ARHGEF2: variants seen among roughly 807,000 people sequenced by gnomAD.
ARHGEF2 encodes Rho/Rac guanine nucleotide exchange factor 2.
ARHGEF2 carries 22 observed loss-of-function variants against 121.0 expected under a neutral mutation model. That is an observed-to-expected ratio of 0.18 (90% CI 0.13 to 0.26). The LOEUF (loss-of-function observed/expected upper bound fraction) is 0.26, where lower values mean the gene tolerates loss of function less well. ARHGEF2 is among the 10% of genes least tolerant of loss of function. The probability of loss-of-function intolerance (pLI) is 1.00; values close to 1 mark genes in which losing one functional copy is unlikely to be tolerated. For missense variants in ARHGEF2, 907 were observed against 1,336.0 expected, an observed-to-expected ratio of 0.68 and a Z score of 5.01; for synonymous variants, 487 against 530.0, an observed-to-expected ratio of 0.92 and a Z score of 1.11.
At chr1:155,969,821 T>G in intron 1 of ARHGEF2, 1 of 986,508 alleles carries the variant, frequency 1.0e-6, no homozygotes, top group Non-Finnish European at 1.2e-6. Flanking sequence ...GGGCAGGAGA[T>G]CCCCTTATTA....
chr1:155,975,625 A>G (rs1440302012), intron 1 of ARHGEF2, among the ~76,000 whole-genome samples: 1 of 151,868 alleles, frequency 6.6e-6, no homozygotes. Flanking sequence ...GGGCTCCCCC[A>G]GCTCTCCTCT....
At position 155,962,343 on chromosome 1, in the gene ARHGEF2, T is replaced by G; in HGVS notation, c.1102-121A>C. Reference sequence around the variant, plus strand: ...CTCATGCTTGCCTAGGTGACATATCTGGAAAATGGGGATAACAACGCCACA... The same window carrying G: ...CTCATGCTTGCCTAGGTGACATATCGGGAAAATGGGGATAACAACGCCACA... On this transcript the variant is annotated intron_variant, in intron 9 of 21. Transcript: ENST00000361247. The surrounding 1 kb of genome is among the most constrained non-coding windows in gnomAD (Gnocchi z 5.8). 1 of 1,132,566 alleles carries G rather than the reference T, an allele frequency of 8.8e-7. No homozygotes were observed. The highest frequency in any genetic ancestry group is 1.3e-6 in the Non-Finnish European group (1 of 789,578). 70.2% of individuals were successfully genotyped at this position (1,132,566 alleles called of 1,614,324 possible).
chr1:155,950,604 A>AGATCCAC lies in ARHGEF2; in HGVS notation c.2704-129_2704-123dup, dbSNP rs1675225918. 9.1e-7 allele frequency: 1 copy of AGATCCAC among 1,101,562 alleles called. No individual in the cohort carries two copies. The highest frequency in any genetic ancestry group is 1.3e-6 in the Non-Finnish European group (1 of 759,052). The allele number at this position is 1,101,562 out of a possible 1,614,324, so 68.2% of individuals were successfully genotyped here. On this transcript the variant is annotated intron_variant, in intron 20 of 21. Transcript: ENST00000361247. This position sits in a 1 kb window ranked among gnomAD's most constrained non-coding sequence, Gnocchi z 5.2. ...GGCTCACCCATGAGTCCCCTTCAGGAGATCCACCACCAACTGGCCTCTTTC... is the reference window on the plus strand; with the variant it reads ...GGCTCACCCATGAGTCCCCTTCAGGAGATCCACGATCCACCACCAACTGGCCTCTTTC...
chr1:155,951,453 C>G lies in ARHGEF2; in HGVS notation c.2259+30G>C, dbSNP rs1557995033. 1 of 1,613,784 alleles carries G rather than the reference C, an allele frequency of 6.2e-7. No individual in the cohort carries two copies. Among genetic ancestry groups the G allele is most frequent in the African/African-American group, 1.3e-5 (1 of 74,926 alleles). On this transcript the variant is annotated intron_variant, in intron 19 of 21. Transcript: ENST00000361247. This position sits in a 1 kb window ranked among gnomAD's most constrained non-coding sequence, Gnocchi z 5.1. ...AGGCATCTCTAGCCTGGCTCCTCCCCTTCCCCATTCAAGCCCTTGTCCTAC... is the reference window on the plus strand; with the variant it reads ...AGGCATCTCTAGCCTGGCTCCTCCCGTTCCCCATTCAAGCCCTTGTCCTAC...
intron 7 of ARHGEF2, among the ~76,000 whole-genome samples, chr1:155,963,960 C>A (rs1572136415): frequency 6.6e-6 from 1 of 150,418 alleles, no homozygotes; most frequent in South Asian, 2.1e-4. Flanking sequence ...GCTTGGCCAA[C>A]ATGATGAAAC....
At chr1:155,973,145 C>G (rs1338243901) in intron 1 of ARHGEF2, among the ~76,000 whole-genome samples, 1 of 152,042 alleles carries the variant, frequency 6.6e-6, no homozygotes, top group East Asian at 1.9e-4. Context: ...AATAGGCACC[C>G]AATACATGTC....
rs1675538295 is a variant in ARHGEF2, at chr1:155,951,861, A to G, written c.2172+58T>C. On this transcript the variant is annotated intron_variant, in intron 17 of 21. Coordinates refer to ENST00000361247, the MANE Select transcript of ARHGEF2 (RefSeq NM_001162383.2). This position sits in a 1 kb window ranked among gnomAD's most constrained non-coding sequence, Gnocchi z 5.1. ...TGACAGCTTTGTGTTGAGGATCCAGAGGCTGGCTGTCCCTCTCCCACCCTC... is the reference window on the plus strand; with the variant it reads ...TGACAGCTTTGTGTTGAGGATCCAGGGGCTGGCTGTCCCTCTCCCACCCTC... 6.2e-7 allele frequency: 1 copy of G among 1,612,886 alleles called. No individual in the cohort carries two copies. The highest frequency in any genetic ancestry group is 8.5e-7 in the Non-Finnish European group (1 of 1,179,604).
intron 13 of ARHGEF2, among the ~76,000 whole-genome samples, chr1:155,957,034 A>C (rs1572092997): frequency 1.3e-5 from 2 of 151,910 alleles, no homozygotes; most frequent in East Asian, 3.9e-4. Flanking sequence ...GTCTCAAAAA[A>C]AATTAAAAAA....
In ARHGEF2 at chr1:155,947,871, T is replaced by A; in HGVS notation, c.*71A>T. On this transcript the variant is annotated 3_prime_UTR_variant, in exon 22 of 22. Coordinates refer to ENST00000361247, the MANE Select transcript of ARHGEF2 (RefSeq NM_001162383.2). ...CAAATGTTCCCTCATCATTGGCAAATTGGAGTCCCCAAGGTTAGCCCCCTC... is the reference window on the plus strand; with the variant it reads ...CAAATGTTCCCTCATCATTGGCAAAATGGAGTCCCCAAGGTTAGCCCCCTC... 1.1e-6 allele frequency: 1 copy of A among 882,088 alleles called. No homozygotes were observed. The highest frequency in any genetic ancestry group is 1.8e-6 in the Non-Finnish European group (1 of 569,536). 54.6% of individuals were successfully genotyped at this position (882,088 alleles called of 1,614,324 possible).
chr1:155,968,982 C>A, intron 2 of ARHGEF2, 174 bp downstream of exon 2: 1 of 717,154 alleles, frequency 1.4e-6, no homozygotes, highest in Admixed American at 2.9e-5. Flanking sequence ...ACAGCCACCA[C>A]CCCTCAGAGT....
rs140822619 is a variant in ARHGEF2, at chr1:155,952,136, G to A, written c.2084C>T (p.Thr695Met). The A allele has an allele frequency of 1.1e-4, 176 of 1,613,962 alleles. No individual in the cohort carries two copies. In the African/African-American group the frequency reaches 1.9e-3, roughly 17 times the overall value. Reference sequence around the variant, plus strand: ...CTCACTGGCAGTGACCCCAGGACTCGTGTTACCACCGCTGTCTGGTTCCAA... The same window carrying A: ...CTCACTGGCAGTGACCCCAGGACTCATGTTACCACCGCTGTCTGGTTCCAA... ...LPLEPDSGGN[T>M]SPGVTANGEA... Residue 695 changes from threonine to methionine, a missense_variant, in exon 16 of 22, where the codon ACG (threonine) becomes ATG (methionine). This residue lies in a region of ARHGEF2 where 432 missense variants were observed against 559.5 expected (regional missense o/e 0.77). Transcript: ENST00000361247.
chr1:155,973,249 G>A (rs1680774918), intron 1 of ARHGEF2, among the ~76,000 whole-genome samples: 1 of 152,012 alleles, frequency 6.6e-6, no homozygotes, highest in Non-Finnish European at 1.5e-5. Flanking sequence ...CCCCTATTCT[G>A]GAAACCCTCT....
Position 155,965,825 on chromosome 1 carries a change from C to T in ARHGEF2, c.341-65G>A. The T allele has an allele frequency of 1.3e-6, 2 of 1,517,120 alleles. No individual in the cohort carries two copies. The highest frequency in any genetic ancestry group is 8.7e-7 in the Non-Finnish European group (1 of 1,143,368). 94.0% of individuals were successfully genotyped at this position (1,517,120 alleles called of 1,614,324 possible). A position where few individuals can be genotyped will look rare whatever the true frequency, so the allele number is the denominator to read the frequency against. ...TGGTGCTTCCCAGGATTGAGGCCTC[C>T]TAGGCTCCTCAATGAGGAATGAGGC... is the stretch of plus-strand genomic sequence containing the variant. On this transcript the variant is annotated intron_variant, in intron 4 of 21. Transcript: ENST00000361247. This position sits in a 1 kb window ranked among gnomAD's most constrained non-coding sequence, Gnocchi z 6.0.
chr1:155,969,916 C>G (rs1680145932), intron 1 of ARHGEF2: 1 of 985,490 alleles, frequency 1.0e-6, no homozygotes, highest in Non-Finnish European at 1.2e-6. Flanking sequence ...TTTCACCAAC[C>G]CTCAGCCACG....
At position 155,978,518 on chromosome 1, in the gene ARHGEF2, C is replaced by T. The variant is rs1681758462; in HGVS notation, c.-91G>A. On this transcript the variant is annotated 5_prime_UTR_variant, in exon 1 of 22. Coordinates refer to ENST00000361247, the MANE Select transcript of ARHGEF2 (RefSeq NM_001162383.2). The surrounding 1 kb of genome is among the most constrained non-coding windows in gnomAD (Gnocchi z 4.1). ...CGGGGGGAGGGGTTCGGCCCGCACG[C>T]GTTGGTCTCGGGGACAGGAAGTCTG... The T allele has an allele frequency of 3.1e-6, 4 of 1,305,590 alleles. No individual in the cohort carries two copies. The highest frequency in any genetic ancestry group is 3.0e-6 in the Non-Finnish European group (3 of 1,015,818). 80.9% of individuals were successfully genotyped at this position (1,305,590 alleles called of 1,614,324 possible).
intron 11 of ARHGEF2, among the ~76,000 whole-genome samples, chr1:155,959,140 C>T (rs1215491818): frequency 3.3e-5 from 5 of 152,158 alleles, no homozygotes; most frequent in Non-Finnish European, 2.9e-5. Flanking sequence ...TAACATAACT[C>T]GTGTATTTTT....
chr1:155,952,511 T>G, intron 15 of ARHGEF2, 117 bp downstream of exon 15: 1 of 1,239,568 alleles, frequency 8.1e-7, no homozygotes, highest in Non-Finnish European at 1.1e-6. Flanking sequence ...CTCAGGGCCG[T>G]TTATGGTTTA....
At chr1:155,956,255 C>A (rs148353646) in intron 13 of ARHGEF2, among the ~76,000 whole-genome samples, 1 of 151,982 alleles carries the variant, frequency 6.6e-6, no homozygotes, top group Non-Finnish European at 1.5e-5. Context: ...TATGCCACCA[C>A]GCCCGGCTAA....
chr1:155,954,793 G>C, intron 14 of ARHGEF2, 109 bp downstream of exon 14: 1 of 1,012,934 alleles, frequency 9.9e-7, no homozygotes, highest in East Asian at 2.5e-5. Flanking sequence ...TTCAGTTGTG[G>C]ATCTACACCA....
Sources: allele counts gnomAD v4.1 joint callset (sites outside exome capture counted in the v4.1 genomes callset), GRCh38; gene constraint gnomAD v4.1.1; regional missense constraint gnomAD v4.1.1; non-coding constraint Gnocchi (gnomAD v3.1); transcripts MANE v1.5; gene names NCBI Gene and HGNC (gene_info 2026-07-23, HGNC 2026-07-21).